The following CCDC148 variants were observed in gnomAD, a reference collection of about 807,000 sequenced individuals.
CCDC148 encodes coiled-coil domain-containing protein 148.
Under a neutral mutation model 85.7 loss-of-function variants are expected in CCDC148, and 89 were observed. That is an observed-to-expected ratio of 1.04 (90% CI 0.87 to 1.24). The LOEUF (loss-of-function observed/expected upper bound fraction) is 1.24, where lower values mean the gene tolerates loss of function less well. Among genes scored for constraint, CCDC148 ranks in the 50% most tolerant of loss-of-function variants. The pLI, the probability that CCDC148 is intolerant of heterozygous loss-of-function variation, is 0.00. For missense variants in CCDC148, 692 were observed against 671.7 expected, an observed-to-expected ratio of 1.03 and a Z score of -0.33; for synonymous variants, 230 against 213.9, an observed-to-expected ratio of 1.08 and a Z score of -0.66.
intron 1 of CCDC148, among the ~76,000 whole-genome samples, chr2:158,396,066 A>G (rs1685509677): frequency 6.6e-6 from 1 of 152,152 alleles, no homozygotes; most frequent in Admixed American, 6.6e-5. Flanking sequence ...GTATTGTGTC[A>G]TCACTCATTG....
At chr2:158,323,560 C>A (rs544113937) in intron 7 of CCDC148, among the ~76,000 whole-genome samples, 1 of 152,226 alleles carries the variant, frequency 6.6e-6, no homozygotes, top group South Asian at 2.1e-4. Flanking sequence ...CCTGATTTAC[C>A]AGCATCCTGG....
At chr2:158,444,853 A>T (rs1688095296) in intron 1 of CCDC148, among the ~76,000 whole-genome samples, 1 of 150,350 alleles carries the variant, frequency 6.7e-6, no homozygotes, top group Non-Finnish European at 1.5e-5. Flanking sequence ...TATGCTATCT[A>T]TGGGATTAGA....
rs144928529 is a variant in CCDC148, at chr2:158,340,949, G to GGTCA, written c.252-273_252-270dup. On this transcript the variant is annotated intron_variant, in intron 3 of 13. Coordinates refer to ENST00000283233, the MANE Select transcript of CCDC148 (RefSeq NM_138803.4). ...ACCCAGAGCATTGGGAAGCACTGAA[G>GGTCA]GTCAGTAGGCTGACCTCACTTCCTC... is the stretch of plus-strand genomic sequence containing the variant. Among the ~76,000 whole-genome samples, 1,128 of 152,222 alleles carry GGTCA rather than the reference G, an allele frequency of 7.4e-3. 19 individuals are homozygous for GGTCA. Among genetic ancestry groups the GGTCA allele is most frequent in the African/African-American group, 0.026 (1,076 of 41,538 alleles).
At chr2:158,307,009 A>C (rs1398251783) in intron 9 of CCDC148, among the ~76,000 whole-genome samples, 2 of 74,398 alleles carry the variant, frequency 2.7e-5, no homozygotes, top group African/African-American at 1.0e-4. Context: ...ACAGAGCAAG[A>C]CTCCATCTCA....
At chr2:158,345,843 G>C (rs920311991) in intron 2 of CCDC148, among the ~76,000 whole-genome samples, 1 of 152,168 alleles carries the variant, frequency 6.6e-6, no homozygotes. Context: ...GATGGGAAAG[G>C]TTCCTTGGAT....
chr2:158,418,131 C>T (rs1275589369), intron 1 of CCDC148, among the ~76,000 whole-genome samples: 1 of 151,500 alleles, frequency 6.6e-6, no homozygotes, highest in African/African-American at 2.4e-5. Context: ...AAGAACATCA[C>T]ACCGTGTAAT....
chr2:158,442,977 G>T, intron 1 of CCDC148, among the ~76,000 whole-genome samples: 1 of 152,164 alleles, frequency 6.6e-6, no homozygotes, highest in East Asian at 1.9e-4. Flanking sequence ...TCTCAGTAAA[G>T]GGAGATGACT....
In CCDC148 at chr2:158,239,888, G is replaced by GT. The variant is rs145200532; in HGVS notation, c.1251+10883dup. 2.1e-4 allele frequency among the ~76,000 whole-genome samples: 32 copies of GT among 150,138 alleles called. 1 individual carries two copies. Among genetic ancestry groups the GT allele is most frequent in the African/African-American group, 5.1e-4 (21 of 40,788 alleles). On this transcript the variant is annotated intron_variant, in intron 10 of 13. Transcript: ENST00000283233. Reference sequence around the variant, plus strand: ...TCCTGATAATTAATTTACCAATTAGGTTTTTTTTTTCTTTAGTTCCCATGT... The same window carrying GT: ...TCCTGATAATTAATTTACCAATTAGGTTTTTTTTTTTCTTTAGTTCCCATGT...
intron 11 of CCDC148, among the ~76,000 whole-genome samples, chr2:158,210,665 C>T (rs779492271): frequency 2.6e-5 from 4 of 151,448 alleles, no homozygotes; most frequent in East Asian, 2.0e-4. Context: ...CACTCAAGGC[C>T]GGGTGCGGTG....
intron 2 of CCDC148, among the ~76,000 whole-genome samples, chr2:158,352,816 C>T (rs1683391992): frequency 6.6e-6 from 1 of 151,988 alleles, no homozygotes; most frequent in Admixed American, 6.6e-5. Context: ...ATGTTAAGGG[C>T]AGCCAGAGAG....
At chr2:158,408,925 T>C (rs1686140299) in intron 1 of CCDC148, among the ~76,000 whole-genome samples, 1 of 152,116 alleles carries the variant, frequency 6.6e-6, no homozygotes, top group Non-Finnish European at 1.5e-5. Context: ...CAAATAATTA[T>C]TAATGTTGAG....
intron 1 of CCDC148, among the ~76,000 whole-genome samples, chr2:158,409,579 C>CT (rs1174855659): frequency 6.6e-6 from 1 of 152,190 alleles, no homozygotes; most frequent in Non-Finnish European, 1.5e-5. Flanking sequence ...TAGGAAGTAA[C>CT]TAGCTTGCTT....
At chr2:158,454,817 C>T (rs896252449) in intron 1 of CCDC148, among the ~76,000 whole-genome samples, 7 of 152,154 alleles carry the variant, frequency 4.6e-5, no homozygotes, top group Admixed American at 2.0e-4. Context: ...TCAAAAGAAA[C>T]CTTTCAACTA....
rs753999030 is a variant in CCDC148 at position 158,176,544 on chromosome 2, A to T, written c.1606T>A (p.Leu536Met). 6.2e-7 allele frequency: 1 copy of T among 1,611,992 alleles called. No individual in the cohort carries two copies. The highest frequency in any genetic ancestry group is 8.5e-7 in the Non-Finnish European group (1 of 1,178,802). ...EFILQKPLFT[L>M]NTYNEQQIIS... Reference sequence around the variant, plus strand: ...ACCTGCTGTTCATTGTATGTATTCAATGTGAAGAGTGGCTTTTGAAGAATA... The same window carrying T: ...ACCTGCTGTTCATTGTATGTATTCATTGTGAAGAGTGGCTTTTGAAGAATA... The change falls in exon 13 of 14, where the codon TTG becomes ATG. Residue 536 changes from leucine (L) to methionine (M), a missense_variant. By Grantham distance (15) the Leu-to-Met change is conservative. Transcript: ENST00000283233.
intron 1 of CCDC148, among the ~76,000 whole-genome samples, chr2:158,390,611 G>A (rs1487661848): frequency 6.6e-6 from 1 of 152,140 alleles, no homozygotes; most frequent in African/African-American, 2.4e-5. Flanking sequence ...AGAGATCTAA[G>A]ACATACCAAA....
At chr2:158,413,908 A>G (rs1307833524) in intron 1 of CCDC148, among the ~76,000 whole-genome samples, 3 of 152,216 alleles carry the variant, frequency 2.0e-5, no homozygotes, top group South Asian at 2.1e-4. Context: ...AAATGTTTAT[A>G]CCAGAAATAG....
intron 10 of CCDC148, among the ~76,000 whole-genome samples, chr2:158,238,513 G>A (rs985532417): frequency 2.0e-5 from 3 of 152,148 alleles, no homozygotes; most frequent in Non-Finnish European, 2.9e-5. Flanking sequence ...AGGAGGCGAT[G>A]AAGAAGGTAT....
chr2:158,184,887 A>G (rs764802175), intron 11 of CCDC148, among the ~76,000 whole-genome samples: 2 of 152,120 alleles, frequency 1.3e-5, no homozygotes, highest in Admixed American at 6.6e-5. Context: ...GGAGCCCCCA[A>G]ATCTGCATTT....
chr2:158,445,230 G>T (rs1688111957), intron 1 of CCDC148, among the ~76,000 whole-genome samples: 2 of 152,106 alleles, frequency 1.3e-5, no homozygotes, highest in Admixed American at 1.3e-4. Flanking sequence ...GTTTTCAATT[G>T]ACCATAAAAA....
Sources: gnomAD v4.1 joint callset for allele counts (sites outside exome capture counted in the v4.1 genomes callset) on GRCh38, gnomAD v4.1.1 for gene constraint, MANE v1.5 for transcripts, NCBI Gene and HGNC (gene_info 2026-07-23, HGNC 2026-07-21) for gene names.